NDFIP1: variants seen among roughly 807,000 people sequenced by gnomAD.
The protein encoded by NDFIP1 is NEDD4 family-interacting protein 1.
A neutral mutation model predicts 28.8 loss-of-function variants in NDFIP1; 7 were observed. The observed-to-expected ratio is 0.24, with a 90% CI of 0.14 to 0.46. The LOEUF (loss-of-function observed/expected upper bound fraction) is 0.46. Among genes scored for constraint, NDFIP1 ranks in the 20% least tolerant of loss-of-function variants. The probability of loss-of-function intolerance (pLI) is 0.99; values close to 1 mark genes in which losing one functional copy is unlikely to be tolerated. For missense variants in NDFIP1, 194 were observed against 269.1 expected (o/e 0.72, Z 1.95); for synonymous variants, 92 against 101.0 (o/e 0.91, Z 0.53).
intron 1 of NDFIP1, among the ~76,000 whole-genome samples, chr5:142,116,623 C>G (rs1757071617): frequency 1.3e-5 from 2 of 152,060 alleles, no homozygotes; most frequent in African/African-American, 4.8e-5. Context: ...CCCACCTTGG[C>G]TTACAGAGAT....
intron 7 of NDFIP1, 90 bp downstream of exon 7, chr5:142,144,766 G>A: frequency 1.3e-6 from 1 of 743,152 alleles, no homozygotes; most frequent in East Asian, 2.7e-5. Context: ...ATCTGTGATA[G>A]GGGCATATAG....
chr5:142,129,161 C>G (rs1037859137), intron 1 of NDFIP1, among the ~76,000 whole-genome samples: 1 of 152,174 alleles, frequency 6.6e-6, no homozygotes, highest in Non-Finnish European at 1.5e-5. Context: ...GGAACATATT[C>G]GAAAAGTCTG....
At chr5:142,137,978 T>G in intron 5 of NDFIP1, 120 bp downstream of exon 5, 1 of 1,321,668 alleles carries the variant, frequency 7.6e-7, no homozygotes, top group Non-Finnish European at 1.0e-6. Flanking sequence ...TGATTTTTGG[T>G]TTGTCTGTGG....
In NDFIP1 at chr5:142,151,857, C is replaced by G. The variant is rs968644706; in HGVS notation, c.*129C>G. On this transcript the variant is annotated 3_prime_UTR_variant, in exon 8 of 8. Coordinates refer to ENST00000253814, the MANE Select transcript of NDFIP1 (RefSeq NM_030571.4). ...TCACCTGCTTTAAAAAAATAAAGTA[C>G]TGTTGAAAAGATCATTTCTCTCTAT... The G allele has an allele frequency of 1.3e-5, 2 of 152,672 alleles. No homozygotes were observed. The highest frequency in any genetic ancestry group is 2.9e-5 in the Non-Finnish European group (2 of 68,024). 9.5% of individuals were successfully genotyped at this position (152,672 alleles called of 1,614,324 possible). A position where few individuals can be genotyped will look rare whatever the true frequency, so the allele number is the denominator to read the frequency against.
chr5:142,108,859 A>AGCC lies in NDFIP1; in HGVS notation c.-116_-115insGCC. On this transcript the variant is annotated 5_prime_UTR_variant, in exon 1 of 8. Transcript: ENST00000253814. Reference sequence around the variant, plus strand: ...GTCTCGCCCGGGAGCGGCGGCGGCCATCGAGACCCACCCAAGGCGCGTCCC... The same window carrying AGCC: ...GTCTCGCCCGGGAGCGGCGGCGGCCAGCCTCGAGACCCACCCAAGGCGCGTCCC... The AGCC allele has an allele frequency of 6.8e-6, 6 of 888,810 alleles. No individual in the cohort carries two copies. The highest frequency in any genetic ancestry group is 9.2e-6 in the Non-Finnish European group (6 of 655,030). 55.1% of individuals were successfully genotyped at this position (888,810 alleles called of 1,614,324 possible).
intron 7 of NDFIP1, among the ~76,000 whole-genome samples, chr5:142,144,901 G>T (rs1757372833): frequency 6.6e-6 from 1 of 152,232 alleles, no homozygotes; most frequent in South Asian, 2.1e-4. Context: ...ATTACTTCAT[G>T]CTTTGACAGT....
chr5:142,139,451 T>C (rs1031155387), intron 5 of NDFIP1, among the ~76,000 whole-genome samples: 2 of 151,894 alleles, frequency 1.3e-5, no homozygotes, highest in African/African-American at 2.4e-5. Context: ...AGGTCCCCCC[T>C]CCCCTCAGGG....
At position 142,108,984 on chromosome 5, in the gene NDFIP1, G is replaced by A. The variant is rs1308611930; in HGVS notation, c.10G>A (p.Ala4Thr). 1 of 1,446,754 alleles carries A rather than the reference G, an allele frequency of 6.9e-7. No homozygotes were observed. Among genetic ancestry groups the A allele is most frequent in the African/African-American group, 1.5e-5 (1 of 67,782 alleles). The allele number at this position is 1,446,754 out of a possible 1,614,324, so 89.6% of individuals were successfully genotyped here. A position where few individuals can be genotyped will look rare whatever the true frequency, so the allele number is the denominator to read the frequency against. ...TGCTGCCGGCTGCGCCATGGCGTTG[G>A]CGTTGGCGGCGCTGGCGGCGGTCGA... MALALAALAAVEPA... is the reference protein window; with the variant it reads MALTLAALAAVEPA... Residue 4 changes from alanine (A) to threonine (T), a missense_variant, in exon 1 of 8, where the codon GCG (alanine) becomes ACG (threonine). Coordinates refer to ENST00000253814, the MANE Select transcript of NDFIP1 (RefSeq NM_030571.4).
chr5:142,110,794 T>C (rs1037081360), intron 1 of NDFIP1, among the ~76,000 whole-genome samples: 1 of 152,140 alleles, frequency 6.6e-6, no homozygotes, highest in African/African-American at 2.4e-5. Context: ...AGATAAGGAA[T>C]GCAGGAAAGC....
In NDFIP1 at chr5:142,132,232, G is replaced by C; in HGVS notation, c.172G>C (p.Glu58Gln). ...ESAAYFDYKDESGFPKPPSYN... is the reference protein window; with the variant it reads ...ESAAYFDYKDQSGFPKPPSYN... ...TGCAGCATATTTTGACTACAAGGAT[G>C]AGTCTGGGTTTCCAAAGCCCCCATC... Residue 58 changes from glutamate to glutamine, a missense_variant, in exon 3 of 8, where the codon GAG becomes CAG. Coordinates refer to ENST00000253814, the MANE Select transcript of NDFIP1 (RefSeq NM_030571.4). 6.2e-7 allele frequency: 1 copy of C among 1,612,632 alleles called. No homozygotes were observed.
At position 142,112,651 on chromosome 5, in the gene NDFIP1, C is replaced by T. The variant is rs149393915; in HGVS notation, c.63+3614C>T. 8.2e-3 allele frequency among the ~76,000 whole-genome samples: 1,233 copies of T among 149,496 alleles called. 18 individuals carry two copies. The highest frequency in any genetic ancestry group is 0.029 in the African/African-American group (1,182 of 40,530). On this transcript the variant is annotated intron_variant, in intron 1 of 7. Coordinates refer to ENST00000253814, the MANE Select transcript of NDFIP1 (RefSeq NM_030571.4). ...CTAAAAATACAAAAAATTAGTTGGG[C>T]GTGGTGGCACGTGCCTGTAGTAGTC... is the stretch of plus-strand genomic sequence containing the variant.
At position 142,153,558 on chromosome 5, in the gene NDFIP1, A is replaced by G. The variant is rs1757469153; in HGVS notation, c.*1830A>G. The G allele has an allele frequency of 1.4e-5, 4 of 278,226 alleles. No individual in the cohort carries two copies. The highest frequency in any genetic ancestry group is 1.4e-4 in the South Asian group (4 of 28,874). 17.2% of individuals were successfully genotyped at this position (278,226 alleles called of 1,614,324 possible). ...AATAGTGTAGTGTGTTCTTTTTCAGAAGTTATATTTGATAATAGAGAAGGG... is the reference window on the plus strand; with the variant it reads ...AATAGTGTAGTGTGTTCTTTTTCAGGAGTTATATTTGATAATAGAGAAGGG... On this transcript the variant is annotated 3_prime_UTR_variant, in exon 8 of 8. Transcript: ENST00000253814.
In NDFIP1 at chr5:142,131,877, AT is replaced by A. The variant is rs751447947; in HGVS notation, c.136del (p.Ser46LeufsTer24). On this transcript the variant is annotated frameshift_variant, in exon 2 of 8. Transcript: ENST00000253814. LOFTEE classifies it high-confidence loss of function. ...TGATGCTCCTCCACCTTACAGCAGC[AT>A]TTCTGCAGAGAGCGCAGGTAGGTAA... ...AGDAPPPYSS[I>X]SAESAAYFDY... 1.2e-6 allele frequency: 2 copies of A among 1,601,796 alleles called. No homozygotes were observed. The highest frequency in any genetic ancestry group is 1.7e-6 in the Non-Finnish European group (2 of 1,176,530).
At chr5:142,138,799 A>G (rs190542895) in intron 5 of NDFIP1, among the ~76,000 whole-genome samples, 6 of 152,266 alleles carry the variant, frequency 3.9e-5, no homozygotes, top group Admixed American at 3.9e-4. Flanking sequence ...AACAAAGAAA[A>G]TACTATATTT....
chr5:142,150,586 A>G (rs1757435205), intron 7 of NDFIP1, among the ~76,000 whole-genome samples: 1 of 152,038 alleles, frequency 6.6e-6, no homozygotes, highest in South Asian at 2.1e-4. Context: ...GACACCGGGC[A>G]TAGTGGTGCA....
chr5:142,135,355 G>A (rs961193694), intron 3 of NDFIP1, among the ~76,000 whole-genome samples: 8 of 152,238 alleles, frequency 5.3e-5, no homozygotes, highest in Non-Finnish European at 2.9e-5. Flanking sequence ...TAAACCAAAT[G>A]TGTAAGTAAA....
intron 7 of NDFIP1, among the ~76,000 whole-genome samples, chr5:142,150,730 AAAAAAG>A (rs781084034): frequency 2.8e-3 from 424 of 151,846 alleles, no homozygotes; most frequent in Admixed American, 6.0e-3. Context: ...CCAAAAAAAA[AAAAAAG>A]AAAAGAAAAG....
At chr5:142,124,948 C>A (rs1757156357) in intron 1 of NDFIP1, among the ~76,000 whole-genome samples, 1 of 152,144 alleles carries the variant, frequency 6.6e-6, no homozygotes, top group Non-Finnish European at 1.5e-5. Context: ...GCCTCAGCCT[C>A]CCAAGTAGCT....
intron 1 of NDFIP1, among the ~76,000 whole-genome samples, chr5:142,121,147 T>G (rs1032650079): frequency 6.6e-6 from 1 of 152,244 alleles, no homozygotes; most frequent in African/African-American, 2.4e-5. Flanking sequence ...ACTAATTGGT[T>G]GTTTTTAGAA....
Sources: allele counts gnomAD v4.1 joint callset (sites outside exome capture counted in the v4.1 genomes callset), GRCh38; gene constraint gnomAD v4.1.1; transcripts MANE v1.5; gene names NCBI Gene and HGNC (gene_info 2026-07-23, HGNC 2026-07-21).